ERBB4: variants seen among roughly 807,000 people sequenced by gnomAD.
The protein encoded by ERBB4 is erb-b2 receptor tyrosine kinase 4, also known as receptor tyrosine-protein kinase erbB-4.
In ERBB4, 42 loss-of-function variants were observed where a neutral mutation model predicts 158.0. The ratio of observed to expected loss-of-function variants is 0.27; its 90% CI spans 0.21 to 0.34. ERBB4 has a LOEUF of 0.34. Ranked by LOEUF, ERBB4 falls within the 10% of genes least tolerant of loss-of-function variation. The pLI, the probability that ERBB4 is intolerant of heterozygous loss-of-function variation, is 1.00. For missense variants in ERBB4, 1,333 were observed against 1,624.1 expected (o/e 0.82, Z 3.08); for synonymous variants, 583 against 558.7 (o/e 1.04, Z -0.61).
intron 20 of ERBB4, among the ~76,000 whole-genome samples, chr2:211,438,763 C>T (rs553633745): frequency 5.0e-4 from 76 of 152,152 alleles, no homozygotes; most frequent in African/African-American, 1.4e-3. Flanking sequence ...CAGATTCATA[C>T]GGCTGTCCTG....
intron 2 of ERBB4, among the ~76,000 whole-genome samples, chr2:211,978,831 T>C (rs1433255775): frequency 6.6e-6 from 1 of 152,178 alleles, no homozygotes; most frequent in Non-Finnish European, 1.5e-5. Context: ...TCCATCATCT[T>C]GTACCAGCCC....
At chr2:212,358,359 C>CT (rs202055629) in intron 1 of ERBB4, among the ~76,000 whole-genome samples, 15 of 151,008 alleles carry the variant, frequency 9.9e-5, no homozygotes, top group East Asian at 5.8e-4. Flanking sequence ...GTTCTTAGCA[C>CT]TTTTTTTAAA....
In ERBB4 at chr2:211,574,149, C is replaced by T. The variant is rs544967419; in HGVS notation, c.2302-12061G>A. Among the ~76,000 whole-genome samples the T allele has an allele frequency of 3.3e-4, 50 of 152,252 alleles. 1 individual carries two copies. Among genetic ancestry groups the T allele is most frequent in the African/African-American group, 1.2e-3 (48 of 41,554 alleles). ...CATGACTGAATCTGGAAAAAAGCTG[C>T]AGCTGCAGGGTGAGTGGTCACTTTG... On this transcript the variant is annotated intron_variant, in intron 19 of 27. Transcript: ENST00000342788.
intron 3 of ERBB4, among the ~76,000 whole-genome samples, chr2:211,792,316 CAAGGTGATACACAATAAATATTTGATTA>C (rs1424143137): frequency 2.0e-5 from 3 of 151,356 alleles, no homozygotes; most frequent in Non-Finnish European, 4.4e-5. Context: ...ATGCAAGGCT[CAAGGTGATACACAATAAATATTTGATTA>C]ATTGAAATAT....
intron 1 of ERBB4, among the ~76,000 whole-genome samples, chr2:212,296,617 A>G (rs971092666): frequency 6.6e-6 from 1 of 151,926 alleles, no homozygotes; most frequent in Non-Finnish European, 1.5e-5. Context: ...CCAGTCCATT[A>G]TCTGCCTTGC....
At chr2:211,872,504 C>T (rs891778520) in intron 3 of ERBB4, among the ~76,000 whole-genome samples, 5 of 151,990 alleles carry the variant, frequency 3.3e-5, no homozygotes, top group African/African-American at 1.2e-4. Context: ...TATAAAATCC[C>T]CTCAGTTTAC....
chr2:212,084,288 GT>G (rs576598284), intron 2 of ERBB4, among the ~76,000 whole-genome samples: 78 of 152,062 alleles, frequency 5.1e-4, no homozygotes, highest in Middle Eastern at 3.4e-3. Flanking sequence ...AGGCAATAAA[GT>G]TATCCACTTA....
intron 1 of ERBB4, among the ~76,000 whole-genome samples, chr2:212,292,055 T>C (rs1388193859): frequency 2.0e-5 from 3 of 151,888 alleles, no homozygotes; most frequent in Non-Finnish European, 4.4e-5. Context: ...TGGAAAAACA[T>C]TTCTGAAAAA....
chr2:211,817,024 A>G (rs2076893286), intron 3 of ERBB4, among the ~76,000 whole-genome samples: 1 of 152,226 alleles, frequency 6.6e-6, no homozygotes, highest in Non-Finnish European at 1.5e-5. Context: ...CCAACTCACT[A>G]ATTACATTCA....
intron 4 of ERBB4, among the ~76,000 whole-genome samples, chr2:211,773,492 G>C (rs979475772): frequency 6.8e-6 from 1 of 147,286 alleles, no homozygotes; most frequent in Non-Finnish European, 1.5e-5. Flanking sequence ...AGGAAGAGAG[G>C]GTATGAGATA....
At position 211,401,577 on chromosome 2, in the gene ERBB4, T is replaced by C. The variant is rs148406267; in HGVS notation, c.3136-13585A>G. Among the ~76,000 whole-genome samples the C allele has an allele frequency of 4.2e-3, 639 of 152,192 alleles. 2 individuals are homozygous for C. The highest frequency in any genetic ancestry group is 7.3e-3 in the Non-Finnish European group (495 of 67,962). ...GAAAGTTGACACACTAAGAGAGGCATGTAGTCATGTAGGAAATATTTGAAC... is the reference window on the plus strand; with the variant it reads ...GAAAGTTGACACACTAAGAGAGGCACGTAGTCATGTAGGAAATATTTGAAC... On this transcript the variant is annotated intron_variant, in intron 25 of 27. Transcript: ENST00000342788.
chr2:212,173,086 CA>C (rs1008105841), intron 1 of ERBB4, among the ~76,000 whole-genome samples: 25 of 152,076 alleles, frequency 1.6e-4, no homozygotes, highest in Non-Finnish European at 3.4e-4. Context: ...AGTTAAAAAA[CA>C]AAGGTCTTTA....
intron 3 of ERBB4, among the ~76,000 whole-genome samples, chr2:211,838,193 G>A (rs1410498392): frequency 6.6e-6 from 1 of 152,032 alleles, no homozygotes; most frequent in African/African-American, 2.4e-5. Context: ...GCCCACTTGA[G>A]TGAGTTTATG....
At chr2:212,179,483 GTAGA>G (rs1437468478) in intron 1 of ERBB4, among the ~76,000 whole-genome samples, 8 of 151,420 alleles carry the variant, frequency 5.3e-5, no homozygotes, top group Non-Finnish European at 1.2e-4. Flanking sequence ...AAAGAACAGG[GTAGA>G]TAAATTCTAG....
chr2:212,516,426 T>A (rs1432029760), intron 1 of ERBB4, among the ~76,000 whole-genome samples: 1 of 152,034 alleles, frequency 6.6e-6, no homozygotes, highest in Non-Finnish European at 1.5e-5. Context: ...TAGAAAAATG[T>A]CAGACAACAT....
At chr2:212,342,046 C>G (rs2088745199) in intron 1 of ERBB4, among the ~76,000 whole-genome samples, 1 of 152,010 alleles carries the variant, frequency 6.6e-6, no homozygotes, top group Non-Finnish European at 1.5e-5. Context: ...ATCACTTGAG[C>G]CCAGAAGTTG....
chr2:212,074,241 T>G (rs1328160486), intron 2 of ERBB4, among the ~76,000 whole-genome samples: 1 of 151,994 alleles, frequency 6.6e-6, no homozygotes, highest in African/African-American at 2.4e-5. Flanking sequence ...AAATGATGGG[T>G]GGCAAATGCC....
chr2:211,576,172 A>G (rs2067886563), intron 19 of ERBB4, among the ~76,000 whole-genome samples: 1 of 152,176 alleles, frequency 6.6e-6, no homozygotes. Context: ...ATAAACCCTG[A>G]AAGAAAATAT....
chr2:211,734,764 C>CA (rs1359528773), intron 5 of ERBB4, among the ~76,000 whole-genome samples: 1 of 150,428 alleles, frequency 6.6e-6, no homozygotes, highest in African/African-American at 2.4e-5. Context: ...ACTGAAAATA[C>CA]AAAAAAATTA....
Sources: allele counts gnomAD v4.1 joint callset (sites outside exome capture counted in the v4.1 genomes callset), GRCh38; gene constraint gnomAD v4.1.1; transcripts MANE v1.5; gene names NCBI Gene and HGNC (gene_info 2026-07-23, HGNC 2026-07-21).